EPHA6: variants seen among roughly 807,000 people sequenced by gnomAD.
EPHA6 encodes ephrin type-A receptor 6.
EPHA6 carries 50 observed loss-of-function variants against 112.0 expected under a neutral mutation model. That is an observed-to-expected ratio of 0.45 (90% confidence interval 0.36 to 0.56). EPHA6 has a LOEUF of 0.56. Among genes scored for constraint, EPHA6 ranks in the 20% least tolerant of loss-of-function variants. The pLI is 0.00. For missense variants in EPHA6, 1,280 were observed against 1,417.4 expected, an observed-to-expected ratio of 0.90 and a Z score of 1.56; for synonymous variants, 529 against 490.7, an observed-to-expected ratio of 1.08 and a Z score of -1.03.
At chr3:97,043,989 A>G (rs2045412507) in intron 3 of EPHA6, among the ~76,000 whole-genome samples, 1 of 152,176 alleles carries the variant, frequency 6.6e-6, no homozygotes, top group African/African-American at 2.4e-5. Flanking sequence ...TTCTTCATAG[A>G]CTATTTTCCT....
At chr3:96,996,916 G>C (rs936911315) in intron 3 of EPHA6, among the ~76,000 whole-genome samples, 1 of 151,968 alleles carries the variant, frequency 6.6e-6, no homozygotes, top group Non-Finnish European at 1.5e-5. Context: ...AGTTACAAAA[G>C]GATTGTTACA....
At chr3:96,945,293 A>G (rs1369884957) in intron 2 of EPHA6, among the ~76,000 whole-genome samples, 2 of 152,182 alleles carry the variant, frequency 1.3e-5, no homozygotes, top group Non-Finnish European at 2.9e-5. Context: ...TTTCCTGTAT[A>G]GACCTGTGCT....
At chr3:97,444,778 A>G (rs2090271978) in intron 6 of EPHA6, among the ~76,000 whole-genome samples, 1 of 152,164 alleles carries the variant, frequency 6.6e-6, no homozygotes, top group South Asian at 2.1e-4. Context: ...TATAGTTTTC[A>G]GATTGAATGC....
At chr3:97,672,604 A>G (rs974807326) in intron 14 of EPHA6, among the ~76,000 whole-genome samples, 4 of 151,870 alleles carry the variant, frequency 2.6e-5, no homozygotes, top group East Asian at 1.9e-4. Context: ...TTTCTACCCT[A>G]CTCTTCTTTA....
intron 10 of EPHA6, among the ~76,000 whole-genome samples, chr3:97,510,939 G>T (rs1310703693): frequency 5.9e-5 from 9 of 152,230 alleles, no homozygotes; most frequent in Non-Finnish European, 1.2e-4. Context: ...TTGCGGAGTT[G>T]TGGTGGGCTC....
At chr3:97,557,695 G>A (rs562975348) in intron 11 of EPHA6, among the ~76,000 whole-genome samples, 35 of 151,096 alleles carry the variant, frequency 2.3e-4, no homozygotes, top group Non-Finnish European at 3.5e-4. Flanking sequence ...CTCTCCTGCC[G>A]AAACTCAGAG....
chr3:96,996,423 G>A (rs983359996), intron 3 of EPHA6, among the ~76,000 whole-genome samples: 15 of 151,954 alleles, frequency 9.9e-5, no homozygotes, highest in Non-Finnish European at 8.8e-5. Context: ...TTACTTTGCC[G>A]GATCCATTGG....
rs943901206 is a variant in EPHA6, at chr3:97,761,072, T to C, written c.*12371T>C. The C allele has an allele frequency of 1.9e-5, 4 of 208,674 alleles. No individual in the cohort carries two copies. Among genetic ancestry groups the C allele is most frequent in the African/African-American group, 9.1e-5 (4 of 43,980 alleles). 12.9% of individuals were successfully genotyped at this position (208,674 alleles called of 1,614,324 possible). The stretch of plus-strand genomic sequence containing the variant: ...CTCTTTTCTGGTTATAATCACAATA[T>C]GGTAGAGCTATAAACAAGGTAAAAA... On this transcript the variant is annotated 3_prime_UTR_variant, in exon 18 of 18. Coordinates refer to ENST00000389672, the MANE Select transcript of EPHA6 (RefSeq NM_001080448.3).
At chr3:97,735,243 T>A (rs552813908) in intron 15 of EPHA6, among the ~76,000 whole-genome samples, 2 of 152,166 alleles carry the variant, frequency 1.3e-5, no homozygotes, top group Admixed American at 6.5e-5. Context: ...ATCACAGAAG[T>A]TCTGCTGAAG....
chr3:97,174,149 T>G (rs2076771887), intron 3 of EPHA6, among the ~76,000 whole-genome samples: 1 of 151,738 alleles, frequency 6.6e-6, no homozygotes, highest in Non-Finnish European at 1.5e-5. Flanking sequence ...GATGTTTGTC[T>G]TTTGTCTTTA....
At chr3:96,893,503 A>C (rs2038095207) in intron 2 of EPHA6, among the ~76,000 whole-genome samples, 1 of 152,230 alleles carries the variant, frequency 6.6e-6, no homozygotes, top group South Asian at 2.1e-4. Context: ...AAACAAAGTC[A>C]AAAGTGATTA....
chr3:97,441,446 G>A (rs911230024), intron 6 of EPHA6: 21 of 979,788 alleles, frequency 2.1e-5, no homozygotes, highest in Middle Eastern at 5.3e-4. Flanking sequence ...AGAAGAAAAC[G>A]TCCTCAACTA....
intron 3 of EPHA6, among the ~76,000 whole-genome samples, chr3:97,123,107 C>T (rs1270038820): frequency 6.6e-6 from 1 of 151,714 alleles, no homozygotes; most frequent in African/African-American, 2.4e-5. Context: ...ATCACTTATC[C>T]AAAGGTAAAT....
chr3:97,096,178 A>G (rs2108245558), intron 3 of EPHA6, among the ~76,000 whole-genome samples: 1 of 151,920 alleles, frequency 6.6e-6, no homozygotes. Flanking sequence ...ATCCACATAT[A>G]TGGAGGAAAA....
chr3:96,858,855 T>C (rs574740066), intron 1 of EPHA6, among the ~76,000 whole-genome samples: 1 of 152,226 alleles, frequency 6.6e-6, no homozygotes, highest in South Asian at 2.1e-4. Context: ...GATACAAATG[T>C]GTGTTTTGTC....
chr3:97,193,823 C>T (rs1256240906), intron 3 of EPHA6, among the ~76,000 whole-genome samples: 1 of 151,900 alleles, frequency 6.6e-6, no homozygotes, highest in African/African-American at 2.4e-5. Flanking sequence ...TCTTCTAACC[C>T]CAGTTGTTTG....
chr3:97,219,683 T>C (rs1470800054), intron 3 of EPHA6, among the ~76,000 whole-genome samples: 1 of 152,220 alleles, frequency 6.6e-6, no homozygotes, highest in Non-Finnish European at 1.5e-5. Flanking sequence ...TGGGAAGTGC[T>C]GCCGTGAATA....
chr3:97,460,525 T>C (rs2090851707), intron 7 of EPHA6, among the ~76,000 whole-genome samples: 1 of 152,120 alleles, frequency 6.6e-6, no homozygotes, highest in South Asian at 2.1e-4. Context: ...AGCAAAACAT[T>C]TTATATGCAG....
chr3:97,469,158 A>G (rs1450727560), intron 7 of EPHA6, among the ~76,000 whole-genome samples: 1 of 151,618 alleles, frequency 6.6e-6, no homozygotes, highest in Non-Finnish European at 1.5e-5. Context: ...GAATTATTTG[A>G]TGCTCCTTGA....
Sources: gnomAD v4.1 joint callset for allele counts (sites outside exome capture counted in the v4.1 genomes callset) on GRCh38, gnomAD v4.1.1 for gene constraint, MANE v1.5 for transcripts, NCBI Gene and HGNC (gene_info 2026-07-23, HGNC 2026-07-21) for gene names.